The following PDXK variants were observed in gnomAD, a reference collection of about 807,000 sequenced individuals.
The protein encoded by PDXK is pyridoxal kinase, also known as epididymis secretory sperm binding protein Li 1a.
PDXK carries 15 observed loss-of-function variants against 43.2 expected under a neutral mutation model. The ratio of observed to expected loss-of-function variants is 0.35; its 90% confidence interval spans 0.23 to 0.53. PDXK has a LOEUF of 0.53. Among genes scored for constraint, PDXK ranks in the 20% least tolerant of loss-of-function variants. The probability of loss-of-function intolerance (pLI) is 0.92; values close to 1 mark genes in which losing one functional copy is unlikely to be tolerated. For synonymous variants in PDXK, 172 were observed against 165.4 expected (o/e 1.04, Z -0.31); for missense variants, 343 against 417.0 (o/e 0.82, Z 1.54).
At position 43,724,763 on chromosome 21, in the gene PDXK, C is replaced by T. The variant is rs371991720; in HGVS notation, c.87+5382C>T. On this transcript the variant is annotated intron_variant, in intron 1 of 10. Transcript: ENST00000291565. ...AGGTGAAGTGGGAGGATCACCTGAT[C>T]CCAGGAGGTGGAGGATGCAGTGACC... is the stretch of plus-strand genomic sequence containing the variant. Among the ~76,000 whole-genome samples, 6 of 151,812 alleles carry T rather than the reference C, an allele frequency of 4.0e-5. No individual in the cohort carries two copies. In the East Asian group the frequency reaches 9.7e-4, roughly 24 times the overall value.
At position 43,756,386 on chromosome 21, in the gene PDXK, G is replaced by C; in HGVS notation, c.*323G>C. 3.5e-6 allele frequency: 1 copy of C among 288,690 alleles called. No homozygotes were observed. The highest frequency in any genetic ancestry group is 6.7e-6 in the Non-Finnish European group (1 of 148,660). The allele number at this position is 288,690 out of a possible 1,614,324, so 17.9% of individuals were successfully genotyped here. On this transcript the variant is annotated 3_prime_UTR_variant, in exon 11 of 11. Coordinates refer to ENST00000291565, the MANE Select transcript of PDXK (RefSeq NM_003681.5). ...GAGTGGGTGAGGCCGAGCCTGCTGC[G>C]TGTGGAGCCTCGAGTGGGCCCTGGC...
At chr21:43,725,272 G>T (rs1222386035) in intron 1 of PDXK, among the ~76,000 whole-genome samples, 1 of 152,010 alleles carries the variant, frequency 6.6e-6, no homozygotes, top group Non-Finnish European at 1.5e-5. Context: ...GCAGTGAGCC[G>T]AGATCGCGCC....
intron 1 of PDXK, 104 bp from the exon 2 acceptor site, chr21:43,733,965 G>A (rs2147232414): frequency 1.7e-6 from 2 of 1,174,468 alleles, no homozygotes; most frequent in East Asian, 2.3e-5. Context: ...CCCCGTGCCA[G>A]CCGGGACTCA....
intron 7 of PDXK, among the ~76,000 whole-genome samples, chr21:43,750,920 A>ATG (rs1470117149): frequency 9.9e-6 from 1 of 100,900 alleles, no homozygotes; most frequent in African/African-American, 3.6e-5. Flanking sequence ...GCATGTGTGC[A>ATG]TGTGTGTGCG....
chr21:43,724,352 G>A (rs1391498777), intron 1 of PDXK, among the ~76,000 whole-genome samples: 4 of 152,156 alleles, frequency 2.6e-5, no homozygotes, highest in African/African-American at 4.8e-5. Flanking sequence ...GGCAGAGGCC[G>A]AGGGTCCCAC....
intron 1 of PDXK, 115 bp downstream of exon 1, chr21:43,719,496 G>C (rs138685834): frequency 0.03 from 39,958 of 1,319,550 alleles, 734 homozygotes; most frequent in Non-Finnish European, 0.035. Context: ...GGCAGAGCCT[G>C]GCGCGGGCGC....
chr21:43,732,453 C>A lies in PDXK; in HGVS notation c.88-1616C>A, dbSNP rs759272762. The stretch of plus-strand genomic sequence containing the variant: ...GCTGATTTTGATGGGGTGTGTGAAA[C>A]GGAGATGCCAGCCCAGGGGCTCAGC... On this transcript the variant is annotated intron_variant, in intron 1 of 10. Coordinates refer to ENST00000291565, the MANE Select transcript of PDXK (RefSeq NM_003681.5). The surrounding 1 kb of genome is among the most constrained non-coding windows in gnomAD (Gnocchi z 4.1). 6.2e-7 allele frequency: 1 copy of A among 1,611,674 alleles called. No individual in the cohort carries two copies. The highest frequency in any genetic ancestry group is 1.1e-5 in the South Asian group (1 of 91,048).
In PDXK at chr21:43,753,861, G is replaced by C. The variant is rs374033708; in HGVS notation, c.759+142G>C. ...CTGGCCCCAGTTGTGGGGGAGGGCA[G>C]TGGCCAGGCCATGACAGGAGTTGCG... On this transcript the variant is annotated intron_variant, in intron 9 of 10. Transcript: ENST00000291565. The C allele has an allele frequency of 8.5e-6, 8 of 940,504 alleles. No homozygotes were observed. In the African/African-American group the frequency reaches 1.0e-4, roughly 12 times the overall value. The allele number at this position is 940,504 out of a possible 1,614,324, so 58.3% of individuals were successfully genotyped here.
chr21:43,750,733 A>ATGTGTGTG (rs3042235), intron 7 of PDXK, among the ~76,000 whole-genome samples, 188 bp downstream of exon 7: 3 of 150,290 alleles, frequency 2.0e-5, no homozygotes, highest in Non-Finnish European at 4.4e-5. Flanking sequence ...ATGTTTGTGC[A>ATGTGTGTG]TGTGTGTGTG....
intron 5 of PDXK, among the ~76,000 whole-genome samples, chr21:43,747,822 G>A (rs954229790): frequency 3.3e-5 from 5 of 152,188 alleles, no homozygotes; most frequent in African/African-American, 4.8e-5. Context: ...CGGTCACCCC[G>A]TATCTCCCCT....
chr21:43,740,063 A>C (rs930887923), intron 2 of PDXK, among the ~76,000 whole-genome samples: 2 of 151,836 alleles, frequency 1.3e-5, no homozygotes, highest in Admixed American at 6.6e-5. Context: ...GGTCTCTGGC[A>C]GACCCACCCC....
chr21:43,753,255 C>T (rs1231556150), intron 8 of PDXK, among the ~76,000 whole-genome samples: 3 of 152,236 alleles, frequency 2.0e-5, no homozygotes, highest in South Asian at 2.1e-4. Context: ...CATGCATACA[C>T]GTGGGCACAC....
At chr21:43,752,654 G>A in intron 8 of PDXK, 25 bp downstream of exon 8, 1 of 1,374,856 alleles carries the variant, frequency 7.3e-7, no homozygotes, top group South Asian at 1.2e-5. Flanking sequence ...CGTGCACCGT[G>A]GCCGCCTCTG....
At chr21:43,749,375 G>A (rs549915363) in intron 6 of PDXK, among the ~76,000 whole-genome samples, 38 of 152,362 alleles carry the variant, frequency 2.5e-4, no homozygotes, top group African/African-American at 9.1e-4. Context: ...AAAGTGCTGG[G>A]ATTACAGGCA....
At chr21:43,745,446 C>G in intron 4 of PDXK, among the ~76,000 whole-genome samples, 1 of 150,066 alleles carries the variant, frequency 6.7e-6, no homozygotes. Context: ...AGAAAGCAGA[C>G]TAGACGTTAC....
chr21:43,755,557 C>G (rs957123419), intron 9 of PDXK, 141 bp from the exon 10 acceptor site: 48 of 742,046 alleles, frequency 6.5e-5, no homozygotes, highest in Middle Eastern at 2.6e-4. Context: ...GGGTTCAGCA[C>G]GTGCATTGGC....
rs986284615 is a variant in PDXK, at chr21:43,734,318, C to A, written c.142+195C>A. Among the ~76,000 whole-genome samples the A allele has an allele frequency of 1.3e-5, 2 of 151,166 alleles. No homozygotes were observed. Among genetic ancestry groups the A allele is most frequent in the Non-Finnish European group, 3.0e-5 (2 of 67,720 alleles). On this transcript the variant is annotated intron_variant, in intron 2 of 10. Coordinates refer to ENST00000291565, the MANE Select transcript of PDXK (RefSeq NM_003681.5). This position sits in a 1 kb window ranked among gnomAD's most constrained non-coding sequence, Gnocchi z 5.0. The stretch of plus-strand genomic sequence containing the variant: ...CAGGGTGTAGGCCTGGGTGGCCTCG[C>A]CTCTGAGAGGGGTTGTGTTGACTCA...
At chr21:43,748,872 C>G (rs1601827263) in intron 5 of PDXK, 123 bp from the exon 6 acceptor site, 8 of 665,294 alleles carry the variant, frequency 1.2e-5, no homozygotes, top group Non-Finnish European at 2.2e-5. Flanking sequence ...GGGGGCCTGG[C>G]CCCTGAGCCT....
chr21:43,750,474 C>A (rs764831170), intron 6 of PDXK, 26 bp from the exon 7 acceptor site: 6 of 1,598,494 alleles, frequency 3.8e-6, no homozygotes, highest in Non-Finnish European at 5.1e-6. Context: ...CCTGTCCCCA[C>A]CCGCCTGTCC....
Sources: allele counts gnomAD v4.1 joint callset (sites outside exome capture counted in the v4.1 genomes callset), GRCh38; gene constraint gnomAD v4.1.1; non-coding constraint Gnocchi (gnomAD v3.1); transcripts MANE v1.5; gene names NCBI Gene and HGNC (gene_info 2026-07-23, HGNC 2026-07-21).